The following SPATA6L variants were observed in gnomAD, a reference collection of about 807,000 sequenced individuals.
SPATA6L encodes spermatogenesis associated 6 like.
Under a neutral mutation model 49.2 loss-of-function variants are expected in SPATA6L, and 68 were observed. The ratio of observed to expected loss-of-function variants is 1.38; its 90% confidence interval spans 1.14 to 1.69. The LOEUF (loss-of-function observed/expected upper bound fraction) is 1.69. Among genes scored for constraint, SPATA6L ranks in the 40% most tolerant of loss-of-function variants. SPATA6L has a pLI of 0.00. For synonymous variants in SPATA6L, 198 were observed against 165.7 expected (o/e 1.19, Z -1.50); for missense variants, 668 against 464.3 (o/e 1.44, Z -4.03).
At chr9:4,591,660 A>G (rs1302696217) in intron 13 of SPATA6L, among the ~76,000 whole-genome samples, 1 of 152,212 alleles carries the variant, frequency 6.6e-6, no homozygotes, top group African/African-American at 2.4e-5. Context: ...GAATGTGTCA[A>G]CTTCACATGA....
chr9:4,638,606 T>A (rs1833334276), intron 3 of SPATA6L, among the ~76,000 whole-genome samples: 1 of 152,128 alleles, frequency 6.6e-6, no homozygotes, highest in Non-Finnish European at 1.5e-5. Flanking sequence ...CTCCCTGTGA[T>A]GGGTATAATC....
chr9:4,617,782 T>TA (rs1672001390), intron 9 of SPATA6L, 141 bp downstream of exon 9: 7 of 689,504 alleles, frequency 1.0e-5, no homozygotes, highest in Non-Finnish European at 8.9e-6. Context: ...GGGTAGATTT[T>TA]AAAAGAAATA....
rs747808805 is a variant in SPATA6L at position 4,605,330 on chromosome 9, T to G, written c.1089+17A>C. The G allele has an allele frequency of 5.0e-6, 8 of 1,599,188 alleles. No homozygotes were observed. The South Asian group carries it at 7.7e-5, about 15-fold the overall frequency. On this transcript the variant is annotated intron_variant, in intron 10 of 11. Transcript: ENST00000682582. Reference sequence around the variant, plus strand: ...TTATTTAGTGAGCAAAGATCTAGTTTTATAAGAAAGTCTAACCTTGTTTTG... The same window carrying G: ...TTATTTAGTGAGCAAAGATCTAGTTGTATAAGAAAGTCTAACCTTGTTTTG...
chr9:4,659,891 C>G (rs1343853987), intron 2 of SPATA6L, among the ~76,000 whole-genome samples: 2 of 152,210 alleles, frequency 1.3e-5, no homozygotes, highest in Admixed American at 6.5e-5. Flanking sequence ...CCACAACCAT[C>G]TGATATTTGA....
intron 3 of SPATA6L, among the ~76,000 whole-genome samples, chr9:4,651,626 T>C (rs1243583934): frequency 6.6e-6 from 1 of 152,098 alleles, no homozygotes; most frequent in Non-Finnish European, 1.5e-5. Flanking sequence ...CAGCAACATA[T>C]AGAAAGGCTT....
chr9:4,597,998 C>G (rs534806517), downstream of SPATA6L, among the ~76,000 whole-genome samples: 44 of 152,342 alleles, frequency 2.9e-4, no homozygotes, highest in South Asian at 8.9e-3. Context: ...TCAGTCTTCT[C>G]AAATTACACC....
At chr9:4,646,164 G>C (rs1261327471) in intron 3 of SPATA6L, 1 of 181,958 alleles carries the variant, frequency 5.5e-6, no homozygotes, top group African/African-American at 2.4e-5. Flanking sequence ...TTAGAACACA[G>C]CCAAAGGCCA....
rs547873602 is a variant in SPATA6L, at chr9:4,606,203, G to A, written c.996-763C>T. On this transcript the variant is annotated intron_variant, in intron 9 of 11. Coordinates refer to ENST00000682582, the MANE Select transcript of SPATA6L (RefSeq NM_001353486.2). ...CAGCAGTCTGAGATCAAACTGCAAGGCGGCAGCGAGGCTGGGGGAGGGGCG... is the reference window on the plus strand; with the variant it reads ...CAGCAGTCTGAGATCAAACTGCAAGACGGCAGCGAGGCTGGGGGAGGGGCG... 1.4e-3 allele frequency among the ~76,000 whole-genome samples: 204 copies of A among 150,438 alleles called. 2 individuals are homozygous for A. Among genetic ancestry groups the A allele is most frequent in the Non-Finnish European group, 2.0e-3 (136 of 67,380 alleles).
chr9:4,603,229 A>C (rs1823809068), intron 11 of SPATA6L, among the ~76,000 whole-genome samples: 1 of 152,162 alleles, frequency 6.6e-6, no homozygotes, highest in African/African-American at 2.4e-5. Context: ...CAGGAGTTTG[A>C]GACCAGGCTG....
chr9:4,626,616 T>C lies in SPATA6L; in HGVS notation c.430-1050A>G, dbSNP rs183417480. ...CATTTCAGTGTTCCCCTTTTATCTTTCAGTCTTTCTTTCAACCCCTGTTTA... is the reference window on the plus strand; with the variant it reads ...CATTTCAGTGTTCCCCTTTTATCTTCCAGTCTTTCTTTCAACCCCTGTTTA... On this transcript the variant is annotated intron_variant, in intron 5 of 11. Transcript: ENST00000682582. 12 of 1,222,566 alleles carry C rather than the reference T, an allele frequency of 9.8e-6. No homozygotes were observed. The East Asian group carries it at 6.8e-4, about 70-fold the overall frequency. The allele number at this position is 1,222,566 out of a possible 1,614,324, so 75.7% of individuals were successfully genotyped here.
intron 3 of SPATA6L, among the ~76,000 whole-genome samples, chr9:4,641,942 A>C (rs939892789): frequency 6.6e-6 from 1 of 151,944 alleles, no homozygotes; most frequent in African/African-American, 2.4e-5. Context: ...TAATTTTTTT[A>C]TTTTCAGTAG....
rs1839906004 is a variant in SPATA6L, at chr9:4,662,019, C to G, written c.57G>C (p.Val19=). The G allele has an allele frequency of 6.2e-7, 1 of 1,613,836 alleles. No homozygotes were observed. The highest frequency in any genetic ancestry group is 1.6e-4 in the Middle Eastern group (1 of 6,062). The change falls in exon 2 of 12, where the codon GTG becomes GTC. Residue 19 remains valine (V), a synonymous_variant. Coordinates refer to ENST00000682582, the MANE Select transcript of SPATA6L (RefSeq NM_001353486.2). The surrounding 1 kb of genome is among the most constrained non-coding windows in gnomAD (Gnocchi z 4.9). ...LQIRAISCPG[V]FLPGKQDVYL... is the part of the protein sequence containing the mutation. The stretch of plus-strand genomic sequence containing the variant: ...ACACATCTTGTTTGCCAGGCAGGAA[C>G]ACTCCTGGGCAAGAAATCTTAAAAA...
chr9:4,649,531 G>T (rs1454844518), intron 3 of SPATA6L, among the ~76,000 whole-genome samples: 1 of 152,182 alleles, frequency 6.6e-6, no homozygotes, highest in East Asian at 1.9e-4. Flanking sequence ...GGAAACTATA[G>T]TAATGTGGAC....
intron 3 of SPATA6L, among the ~76,000 whole-genome samples, chr9:4,641,741 A>G (rs1054050423): frequency 1.3e-5 from 2 of 152,138 alleles, no homozygotes; most frequent in Non-Finnish European, 2.9e-5. Flanking sequence ...TGCATTTTAG[A>G]AGGTTTAAAA....
intron 6 of SPATA6L, among the ~76,000 whole-genome samples, chr9:4,624,605 G>A (rs1041690681): frequency 1.3e-5 from 2 of 151,938 alleles, no homozygotes; most frequent in African/African-American, 4.8e-5. Context: ...GTGGGCACCT[G>A]TAATCTCAGC....
At position 4,662,546 on chromosome 9, in the gene SPATA6L, G is replaced by C; in HGVS notation, c.40-510C>G. ...CGGCCGTGGACCCCACCTGCGCCCG[G>C]CTCCGTGCATCGGAGAGCCCAGTTC... On this transcript the variant is annotated intron_variant, in intron 1 of 11. Transcript: ENST00000682582. The surrounding 1 kb of genome is among the most constrained non-coding windows in gnomAD (Gnocchi z 4.9). 6.4e-7 allele frequency: 1 copy of C among 1,572,562 alleles called. No homozygotes were observed. Among genetic ancestry groups the C allele is most frequent in the Non-Finnish European group, 8.6e-7 (1 of 1,168,624 alleles).
chr9:4,594,246 G>A (rs1822089756), downstream of SPATA6L, among the ~76,000 whole-genome samples: 1 of 152,170 alleles, frequency 6.6e-6, no homozygotes, highest in Non-Finnish European at 1.5e-5. Flanking sequence ...GTCTCGCTCT[G>A]TCACCCAGGC....
chr9:4,608,904 C>G (rs1380644034), intron 9 of SPATA6L, among the ~76,000 whole-genome samples: 1 of 151,744 alleles, frequency 6.6e-6, no homozygotes, highest in African/African-American at 2.4e-5. Context: ...ACTAGCAAGA[C>G]TAATAAAGAA....
At chr9:4,664,864 T>C (rs918685113) in intron 1 of SPATA6L, 2 of 167,122 alleles carry the variant, frequency 1.2e-5, no homozygotes, top group African/African-American at 4.8e-5. Context: ...TCCCACAGCA[T>C]CCTGAATACC....
Sources: allele counts gnomAD v4.1 joint callset (sites outside exome capture counted in the v4.1 genomes callset), GRCh38; gene constraint gnomAD v4.1.1; non-coding constraint Gnocchi (gnomAD v3.1); transcripts MANE v1.5; gene names NCBI Gene and HGNC (gene_info 2026-07-23, HGNC 2026-07-21).